The following WSCD2 variants were observed in gnomAD, a reference collection of about 807,000 sequenced individuals.
The protein encoded by WSCD2 is WSC domain sialate O sulfotransferase 2.
Under a neutral mutation model 55.7 loss-of-function variants are expected in WSCD2, and 28 were observed. The ratio of observed to expected loss-of-function variants is 0.50; its 90% CI spans 0.37 to 0.69. WSCD2 has a LOEUF of 0.69. WSCD2 is among the 30% of genes least tolerant of loss of function. The pLI, the probability that WSCD2 is intolerant of heterozygous loss-of-function variation, is 0.00. For synonymous variants in WSCD2, 301 were observed against 301.9 expected, an observed-to-expected ratio of 1.00 and a Z score of 0.03; for missense variants, 616 against 762.1, an observed-to-expected ratio of 0.81 and a Z score of 2.26.
intron 1 of WSCD2, among the ~76,000 whole-genome samples, chr12:108,163,932 A>T (rs1242266092): frequency 6.6e-6 from 1 of 152,118 alleles, no homozygotes; most frequent in Non-Finnish European, 1.5e-5. Context: ...GATAAAAAAA[A>T]TTAAGGAAAG....
At chr12:108,204,224 G>GTC (rs201272553) in intron 2 of WSCD2, among the ~76,000 whole-genome samples, 2 of 151,530 alleles carry the variant, frequency 1.3e-5, no homozygotes, top group African/African-American at 2.4e-5. Flanking sequence ...TTCTGTCTTT[G>GTC]TCTCTCTCTC....
chr12:108,189,060 G>A (rs1882861461), intron 1 of WSCD2, among the ~76,000 whole-genome samples: 1 of 152,138 alleles, frequency 6.6e-6, no homozygotes, highest in African/African-American at 2.4e-5. Context: ...ATAAAAGAGG[G>A]AAGACTGGAA....
chr12:108,165,398 T>G (rs1292922815), intron 1 of WSCD2, among the ~76,000 whole-genome samples: 2 of 152,176 alleles, frequency 1.3e-5, no homozygotes, highest in Non-Finnish European at 2.9e-5. Flanking sequence ...TTTTTTGTTG[T>G]TGGTGTTTTT....
intron 2 of WSCD2, among the ~76,000 whole-genome samples, chr12:108,201,442 A>G (rs1005456093): frequency 6.8e-6 from 1 of 146,046 alleles, no homozygotes; most frequent in Non-Finnish European, 1.5e-5. Context: ...ATCTGCCATG[A>G]CCCTATTTCC....
At chr12:108,148,728 C>G (rs1263470798) in intron 1 of WSCD2, among the ~76,000 whole-genome samples, 4 of 152,140 alleles carry the variant, frequency 2.6e-5, no homozygotes, top group Non-Finnish European at 5.9e-5. Flanking sequence ...TGATGTCATA[C>G]AGTAACAATG....
At chr12:108,240,960 C>A (rs1889696194) in intron 8 of WSCD2, among the ~76,000 whole-genome samples, 1 of 152,180 alleles carries the variant, frequency 6.6e-6, no homozygotes, top group African/African-American at 2.4e-5. Flanking sequence ...GTAGGTGTGA[C>A]TTTCATGGCA....
At position 108,150,735 on chromosome 12, in the gene WSCD2, C is replaced by T. The variant is rs1206316177; in HGVS notation, c.-552+20809C>T. On this transcript the variant is annotated intron_variant, in intron 1 of 8. Coordinates refer to ENST00000547525, the MANE Select transcript of WSCD2 (RefSeq NM_014653.4). ...TCCCTTTGGCACTCTCTCTGCCCAC[C>T]CTGCCCGGATACGACTGCCCCCGCA... Among the ~76,000 whole-genome samples the T allele has an allele frequency of 2.6e-5, 4 of 152,262 alleles. No individual in the cohort carries two copies. The East Asian group carries it at 7.7e-4, about 29-fold the overall frequency.
intron 1 of WSCD2, among the ~76,000 whole-genome samples, chr12:108,172,708 T>C (rs1880364152): frequency 6.6e-6 from 1 of 152,234 alleles, no homozygotes; most frequent in East Asian, 1.9e-4. Flanking sequence ...AGATTTTTCC[T>C]CAGAGCCTTC....
At chr12:108,214,269 G>A (rs1325437938) in intron 4 of WSCD2, among the ~76,000 whole-genome samples, 10 of 152,202 alleles carry the variant, frequency 6.6e-5, no homozygotes, top group Admixed American at 6.5e-4. Flanking sequence ...TATCTCCCAA[G>A]GACCATTCTG....
chr12:108,227,061 T>A lies in WSCD2; in HGVS notation c.876T>A (p.His292Gln). ...TTCCCACCACCCGATTCCCGCTCCATGACAGAGAGGATGAGCAGCTCTGTG... is the reference window on the plus strand; with the variant it reads ...TTCCCACCACCCGATTCCCGCTCCAAGACAGAGAGGATGAGCAGCTCTGTG... ...CGFPTTRFPL[H>Q]DREDEQLCAQ... Residue 292 changes from histidine (H) to glutamine (Q), a missense_variant, in exon 6 of 9, where the codon CAT becomes CAA. Physicochemically the swap from His to Gln is conservative, Grantham distance 24. Coordinates refer to ENST00000547525, the MANE Select transcript of WSCD2 (RefSeq NM_014653.4). The A allele has an allele frequency of 6.2e-7, 1 of 1,614,218 alleles. No homozygotes were observed. Among genetic ancestry groups the A allele is most frequent in the Non-Finnish European group, 8.5e-7 (1 of 1,180,024 alleles).
At chr12:108,140,911 A>G (rs1876731650) in intron 1 of WSCD2, among the ~76,000 whole-genome samples, 1 of 152,202 alleles carries the variant, frequency 6.6e-6, no homozygotes, top group Non-Finnish European at 1.5e-5. Context: ...ATCCTGATCC[A>G]TGACAGGTCC....
intron 4 of WSCD2, among the ~76,000 whole-genome samples, chr12:108,212,616 C>CAG (rs1565971393): frequency 5.8e-5 from 3 of 51,870 alleles, no homozygotes; most frequent in African/African-American, 1.4e-4. Context: ...CTCTCTCTCA[C>CAG]ACACACACAC....
At position 108,246,509 on chromosome 12, in the gene WSCD2, G is replaced by A. The variant is rs570060004; in HGVS notation, c.1346-1482G>A. Among the ~76,000 whole-genome samples the A allele has an allele frequency of 1.7e-4, 26 of 152,242 alleles. 1 individual carries two copies. The highest frequency in any genetic ancestry group is 3.4e-3 in the Middle Eastern group (1 of 294). ...GTGATTCCTCTTCTCTGTTCCCAAC[G>A]CCATCCAGGTTCCCCTTCTGCACTT... is the stretch of plus-strand genomic sequence containing the variant. On this transcript the variant is annotated intron_variant, in intron 8 of 8. Coordinates refer to ENST00000547525, the MANE Select transcript of WSCD2 (RefSeq NM_014653.4).
In WSCD2 at chr12:108,196,190, G is replaced by T. The variant is rs779510261; in HGVS notation, c.358G>T (p.Val120Phe). 8.7e-6 allele frequency: 14 copies of T among 1,613,820 alleles called. No homozygotes were observed. Among genetic ancestry groups the T allele is most frequent in the Non-Finnish European group, 8.5e-7 (1 of 1,179,850 alleles). ...AWSRALKGRV[V>F]REKEEERAKY... ...GAGCCGAGCCCTCAAGGGGAGGGTT[G>T]TCCGGGAGAAGGAGGAAGAGCGAGG... The change falls in exon 2 of 9, where the codon GTC becomes TTC. Residue 120 changes from valine to phenylalanine, a missense_variant. Coordinates refer to ENST00000547525, the MANE Select transcript of WSCD2 (RefSeq NM_014653.4).
chr12:108,184,041 G>C (rs747477774), intron 1 of WSCD2, among the ~76,000 whole-genome samples: 18 of 152,178 alleles, frequency 1.2e-4, no homozygotes, highest in Non-Finnish European at 2.1e-4. Flanking sequence ...AAGGCTGAAG[G>C]CTGGGATGCA....
At chr12:108,178,498 T>A (rs1592942746) in intron 1 of WSCD2, among the ~76,000 whole-genome samples, 1 of 152,354 alleles carries the variant, frequency 6.6e-6, no homozygotes, top group East Asian at 1.9e-4. Context: ...TCAGATACTT[T>A]ACCACCTTCT....
chr12:108,190,236 GAACAA>G (rs2137029120), intron 1 of WSCD2, among the ~76,000 whole-genome samples: 1 of 152,252 alleles, frequency 6.6e-6, no homozygotes, highest in Non-Finnish European at 1.5e-5. Flanking sequence ...TTTATTATTA[GAACAA>G]GACTGAAATT....
chr12:108,130,569 G>T (rs910485055), intron 1 of WSCD2, among the ~76,000 whole-genome samples: 1 of 151,578 alleles, frequency 6.6e-6, no homozygotes, highest in Admixed American at 6.6e-5. Context: ...CAGCCAAATC[G>T]CCTCCTTGCA....
rs760395169 is a variant in WSCD2 at position 108,240,435 on chromosome 12, C to T, written c.1236C>T (p.Asp412=). ...GCCAGAAAGAGATCGAGGCCTTCGA[C>T]GCCGCCATCCTGCTCATCCGCAACC... ...ESGQKEIEAF[D]AAILLIRNPY... Residue 412 remains aspartate (D), a synonymous_variant, in exon 8 of 9, where the codon GAC becomes GAT. Transcript: ENST00000547525. 1.9e-6 allele frequency: 3 copies of T among 1,614,150 alleles called. No individual in the cohort carries two copies. Among genetic ancestry groups the T allele is most frequent in the Non-Finnish European group, 2.5e-6 (3 of 1,180,044 alleles).
Sources: gnomAD v4.1 joint callset for allele counts (sites outside exome capture counted in the v4.1 genomes callset) on GRCh38, gnomAD v4.1.1 for gene constraint, MANE v1.5 for transcripts, NCBI Gene and HGNC (gene_info 2026-07-23, HGNC 2026-07-21) for gene names.